DNAJC6: variants seen among roughly 807,000 people sequenced by gnomAD.
The protein encoded by DNAJC6 is DnaJ heat shock protein family (Hsp40) member C6, also known as auxilin.
In DNAJC6, 34 loss-of-function variants were observed where a neutral mutation model predicts 110.0. The ratio of observed to expected loss-of-function variants is 0.31; its 90% CI spans 0.24 to 0.41. The LOEUF (loss-of-function observed/expected upper bound fraction) is 0.41. Among genes scored for constraint, DNAJC6 ranks in the 10% least tolerant of loss-of-function variants. The pLI, the probability that DNAJC6 is intolerant of heterozygous loss-of-function variation, is 1.00. For synonymous variants in DNAJC6, 406 were observed against 437.2 expected (o/e 0.93, Z 0.89); for missense variants, 1,031 against 1,207.8 (o/e 0.85, Z 2.17).
upstream of DNAJC6, chr1:65,309,524 T>G: frequency 7.4e-6 from 6 of 815,788 alleles, no homozygotes; most frequent in East Asian, 1.1e-4. Context: ...CTTCCCTCCC[T>G]CCCTCCTCCC....
chr1:65,411,916 A>G (rs1646133292), intron 18 of DNAJC6, among the ~76,000 whole-genome samples: 2 of 152,138 alleles, frequency 1.3e-5, no homozygotes, highest in South Asian at 4.1e-4. Flanking sequence ...GGCTGCAGTG[A>G]GCTGAGATCG....
At chr1:65,266,726 C>A (rs917318618) in intron 1 of DNAJC6, among the ~76,000 whole-genome samples, 7 of 151,924 alleles carry the variant, frequency 4.6e-5, no homozygotes, top group Admixed American at 1.3e-4. Context: ...CCAAGTCATG[C>A]TAGGCCATGG....
chr1:65,288,995 ATT>A (rs1470607816), intron 1 of DNAJC6, among the ~76,000 whole-genome samples: 2 of 152,160 alleles, frequency 1.3e-5, no homozygotes, highest in South Asian at 2.1e-4. Context: ...ATGTGAACAT[ATT>A]TCTGTTGGTT....
chr1:65,349,606 T>A (rs1418413413), intron 1 of DNAJC6, among the ~76,000 whole-genome samples: 1 of 152,174 alleles, frequency 6.6e-6, no homozygotes, highest in East Asian at 1.9e-4. Context: ...TTTTTTTCTA[T>A]CAGCACTCTA....
chr1:65,298,572 T>C (rs1244508748), intron 1 of DNAJC6, among the ~76,000 whole-genome samples: 1 of 151,586 alleles, frequency 6.6e-6, no homozygotes, highest in Non-Finnish European at 1.5e-5. Context: ...GGTCTATACA[T>C]ATGAAAAAAG....
At chr1:65,280,743 A>G (rs558893895) in intron 1 of DNAJC6, among the ~76,000 whole-genome samples, 1 of 152,268 alleles carries the variant, frequency 6.6e-6, no homozygotes, top group South Asian at 2.1e-4. Context: ...GACTCACTTT[A>G]AGGCAGTCTT....
Position 65,366,176 on chromosome 1 carries a change from A to G in DNAJC6, c.523A>G (p.Thr175Ala), listed in dbSNP as rs750256326. 4 of 1,613,548 alleles carry G rather than the reference A, an allele frequency of 2.5e-6. No homozygotes were observed. Residue 175 changes from threonine to alanine, a missense_variant, in exon 4 of 19, where the codon ACT becomes GCT. Transcript: ENST00000371069. ...CAATCTGTCACCTAAGTCTTATCGA[A>G]CTGCCAAGTTTCACAGCCGGGTAAG... The part of the protein sequence containing the change: ...VYNLSPKSYR[T>A]AKFHSRVSEC...
chr1:65,282,477 T>G (rs1570212600), intron 1 of DNAJC6, among the ~76,000 whole-genome samples: 1 of 152,156 alleles, frequency 6.6e-6, no homozygotes, highest in Non-Finnish European at 1.5e-5. Context: ...GTTTTCCTCC[T>G]CTGGGTTTAG....
At chr1:65,312,059 G>T (rs546971635) in intron 1 of DNAJC6, among the ~76,000 whole-genome samples, 81 of 152,200 alleles carry the variant, frequency 5.3e-4, no homozygotes, top group Admixed American at 1.1e-3. Flanking sequence ...GAAGAATAAT[G>T]GATTGCTTTA....
intron 1 of DNAJC6, among the ~76,000 whole-genome samples, chr1:65,362,412 GT>G (rs1557541977): frequency 2.0e-5 from 3 of 152,162 alleles, no homozygotes; most frequent in Admixed American, 2.0e-4. Flanking sequence ...TATATTGCAA[GT>G]TTTGAAAAAG....
chr1:65,300,342 A>C (rs1644967543), intron 1 of DNAJC6, among the ~76,000 whole-genome samples: 1 of 152,158 alleles, frequency 6.6e-6, no homozygotes, highest in South Asian at 2.1e-4. Flanking sequence ...TCCAACTAGA[A>C]GAAAGGGAGA....
intron 14 of DNAJC6, 122 bp from the exon 15 acceptor site, chr1:65,401,639 A>G: frequency 7.3e-7 from 1 of 1,369,620 alleles, no homozygotes; most frequent in Non-Finnish European, 9.7e-7. Flanking sequence ...AACTTCTTAG[A>G]CATTTTCAAA....
At chr1:65,306,277 G>A (rs940699927), upstream of DNAJC6, among the ~76,000 whole-genome samples, 1 of 151,960 alleles carries the variant, frequency 6.6e-6, no homozygotes, top group Non-Finnish European at 1.5e-5. Flanking sequence ...TCAATCTCCT[G>A]ACCTCGTGAT....
At chr1:65,334,011 T>C (rs1645311966) in intron 1 of DNAJC6, among the ~76,000 whole-genome samples, 1 of 152,244 alleles carries the variant, frequency 6.6e-6, no homozygotes, top group Non-Finnish European at 1.5e-5. Context: ...CTACTGAAGA[T>C]ACATTTTGAC....
chr1:65,390,182 T>C (rs1645913184), intron 11 of DNAJC6, among the ~76,000 whole-genome samples: 1 of 152,208 alleles, frequency 6.6e-6, no homozygotes, highest in Non-Finnish European at 1.5e-5. Context: ...GTCACGTCAT[T>C]CCTGGACTGA....
At chr1:65,400,963 C>G (rs538580452) in intron 14 of DNAJC6, among the ~76,000 whole-genome samples, 1 of 152,092 alleles carries the variant, frequency 6.6e-6, no homozygotes, top group Admixed American at 6.5e-5. Flanking sequence ...GTCCTTTTTT[C>G]TCTACATCCT....
At chr1:65,406,619 A>G (rs886781574) in intron 16 of DNAJC6, among the ~76,000 whole-genome samples, 6 of 152,176 alleles carry the variant, frequency 3.9e-5, no homozygotes, top group Non-Finnish European at 8.8e-5. Flanking sequence ...GGTGGACTGC[A>G]TGTGTCTTGG....
chr1:65,383,813 T>C (rs1277871600), intron 5 of DNAJC6, among the ~76,000 whole-genome samples: 2 of 152,230 alleles, frequency 1.3e-5, no homozygotes, highest in Admixed American at 6.5e-5. Flanking sequence ...GATACATATA[T>C]GCCATATCCC....
At chr1:65,359,196 T>A (rs1376790906) in intron 1 of DNAJC6, among the ~76,000 whole-genome samples, 1 of 152,174 alleles carries the variant, frequency 6.6e-6, no homozygotes, top group African/African-American at 2.4e-5. Flanking sequence ...TGAAGCTCGA[T>A]ACAAATAAAT....
Sources: gnomAD v4.1 joint callset for allele counts (sites outside exome capture counted in the v4.1 genomes callset) on GRCh38, gnomAD v4.1.1 for gene constraint, MANE v1.5 for transcripts, NCBI Gene and HGNC (gene_info 2026-07-23, HGNC 2026-07-21) for gene names.